The following CDH8 variants were observed in gnomAD, a reference collection of about 807,000 sequenced individuals.
CDH8 encodes cadherin-8.
Under a neutral mutation model 68.1 loss-of-function variants are expected in CDH8, and 17 were observed. That is an observed-to-expected ratio of 0.25 (90% CI 0.17 to 0.37). CDH8 has a LOEUF of 0.37. CDH8 is among the 10% of genes least tolerant of loss of function. CDH8 has a pLI of 1.00. For synonymous variants in CDH8, 372 were observed against 365.1 expected, an observed-to-expected ratio of 1.02 and a Z score of -0.21; for missense variants, 763 against 999.3, an observed-to-expected ratio of 0.76 and a Z score of 3.19.
At position 61,652,948 on chromosome 16, in the gene CDH8, T is replaced by C. The variant is rs761377043; in HGVS notation, c.*660A>G. The C allele has an allele frequency of 9.8e-6, 15 of 1,525,700 alleles. No individual in the cohort carries two copies. The highest frequency in any genetic ancestry group is 3.7e-5 in the South Asian group (3 of 81,470). The allele number at this position is 1,525,700 out of a possible 1,614,324, so 94.5% of individuals were successfully genotyped here. On this transcript the variant is annotated 3_prime_UTR_variant, in exon 12 of 12. Transcript: ENST00000577390. ...GGATTTCTCTCCTCCCACCACTGAA[T>C]TGGCAAGCCCCACCCTGGAATGGAT...
intron 10 of CDH8, among the ~76,000 whole-genome samples, chr16:61,675,037 A>T (rs1295661695): frequency 1.3e-5 from 2 of 152,054 alleles, no homozygotes; most frequent in Non-Finnish European, 2.9e-5. Flanking sequence ...GAGGCAGAAG[A>T]TAAATAAAGA....
At chr16:61,984,124 G>A (rs1419140359) in intron 2 of CDH8, among the ~76,000 whole-genome samples, 1 of 151,798 alleles carries the variant, frequency 6.6e-6, no homozygotes, top group Non-Finnish European at 1.5e-5. Flanking sequence ...TCATCATATT[G>A]GCCGGGCTTG....
chr16:61,758,402 T>G (rs1461654679), intron 8 of CDH8, among the ~76,000 whole-genome samples: 3 of 152,102 alleles, frequency 2.0e-5, no homozygotes, highest in Non-Finnish European at 4.4e-5. Flanking sequence ...TTAGGACTGT[T>G]TGAGGTCTTT....
At chr16:61,938,266 T>A (rs1215851669) in intron 2 of CDH8, among the ~76,000 whole-genome samples, 1 of 152,126 alleles carries the variant, frequency 6.6e-6, no homozygotes, top group Non-Finnish European at 1.5e-5. Context: ...CCAAATGGCA[T>A]TTCTTTTAAA....
At chr16:61,792,219 G>T (rs1031032145) in intron 7 of CDH8, among the ~76,000 whole-genome samples, 1 of 151,948 alleles carries the variant, frequency 6.6e-6, no homozygotes, top group African/African-American at 2.4e-5. Flanking sequence ...ACTTTATGGG[G>T]TGAGTCATAG....
chr16:61,904,869 C>A (rs1964037146), intron 2 of CDH8, among the ~76,000 whole-genome samples: 1 of 152,228 alleles, frequency 6.6e-6, no homozygotes, highest in Non-Finnish European at 1.5e-5. Context: ...ATAAAGGCAA[C>A]AACACTGCCC....
At chr16:61,670,813 G>A (rs897317073) in intron 10 of CDH8, among the ~76,000 whole-genome samples, 3 of 151,870 alleles carry the variant, frequency 2.0e-5, no homozygotes, top group Non-Finnish European at 2.9e-5. Flanking sequence ...GGTGACTAAA[G>A]GTGTGGACAA....
chr16:61,723,229 G>T (rs1216724223), intron 9 of CDH8, among the ~76,000 whole-genome samples: 1 of 150,712 alleles, frequency 6.6e-6, no homozygotes, highest in African/African-American at 2.4e-5. Context: ...AGTTATGGAA[G>T]GTCCTCTGGC....
chr16:61,702,139 G>C (rs898617163), intron 10 of CDH8, among the ~76,000 whole-genome samples: 1 of 152,156 alleles, frequency 6.6e-6, no homozygotes, highest in Non-Finnish European at 1.5e-5. Context: ...TTGAGAGGCC[G>C]AGGCAGGCGG....
chr16:62,023,037 A>G (rs1902111424), intron 1 of CDH8, among the ~76,000 whole-genome samples: 1 of 152,186 alleles, frequency 6.6e-6, no homozygotes, highest in Non-Finnish European at 1.5e-5. Context: ...AGTCCAGAAC[A>G]AAGTCTCCTC....
chr16:61,877,484 T>C (rs1463247929), intron 3 of CDH8, among the ~76,000 whole-genome samples: 1 of 152,158 alleles, frequency 6.6e-6, no homozygotes, highest in Non-Finnish European at 1.5e-5. Flanking sequence ...TATTTCATTA[T>C]GTGTGTATAT....
chr16:61,938,638 G>A (rs1964663778), intron 2 of CDH8, among the ~76,000 whole-genome samples: 1 of 152,156 alleles, frequency 6.6e-6, no homozygotes, highest in Non-Finnish European at 1.5e-5. Context: ...GCATCTGCCT[G>A]GTAACCTCTG....
At chr16:61,969,351 T>C (rs896126366) in intron 2 of CDH8, among the ~76,000 whole-genome samples, 10 of 152,146 alleles carry the variant, frequency 6.6e-5, no homozygotes, top group African/African-American at 1.7e-4. Flanking sequence ...TCAGTGTAGA[T>C]TGAATCTTCC....
intron 10 of CDH8, among the ~76,000 whole-genome samples, chr16:61,677,417 C>CT (rs1282729117): frequency 2.0e-5 from 3 of 151,858 alleles, no homozygotes; most frequent in Admixed American, 2.0e-4. Flanking sequence ...GCTCCATTTA[C>CT]TTTACACCAT....
intron 10 of CDH8, among the ~76,000 whole-genome samples, chr16:61,701,341 T>C (rs1256146458): frequency 1.3e-5 from 2 of 152,212 alleles, no homozygotes; most frequent in Admixed American, 1.3e-4. Context: ...TCATATCATA[T>C]TATTAAAAAG....
Position 61,792,394 on chromosome 16 carries a change from C to A in CDH8, c.1278-2912G>T, listed in dbSNP as rs1450463038. Among the ~76,000 whole-genome samples the A allele has an allele frequency of 2.0e-5, 3 of 151,964 alleles. No homozygotes were observed. The East Asian group carries it at 5.8e-4, about 29-fold the overall frequency. On this transcript the variant is annotated intron_variant, in intron 7 of 11. Transcript: ENST00000577390. ...CAACTATTTTGGAAAACTCCTGCTGCTTCTGTAGAAATTTCACACATTTTA... is the reference window on the plus strand; with the variant it reads ...CAACTATTTTGGAAAACTCCTGCTGATTCTGTAGAAATTTCACACATTTTA...
At position 61,713,870 on chromosome 16, in the gene CDH8, T is replaced by C; in HGVS notation, c.1625A>G (p.Asn542Ser). The change falls in exon 10 of 12, where the codon AAT (asparagine) becomes AGT (serine). Residue 542 changes from asparagine to serine, a missense_variant. Physicochemically the swap from Asn to Ser is conservative, Grantham distance 46. This residue lies in a region of CDH8 where 397 missense variants were observed against 436.2 expected (regional missense o/e 0.91). Transcript: ENST00000577390. ...LYSLLPEMVN[N>S]PNFTIKKNED... ...ATTTTTCTTGATGGTGAAATTCGGA[T>C]TGTTGACCATTTCTGGAAGGAGACT... 1 of 1,595,756 alleles carries C rather than the reference T, an allele frequency of 6.3e-7. No individual in the cohort carries two copies. Among genetic ancestry groups the C allele is most frequent in the South Asian group, 1.1e-5 (1 of 90,636 alleles).
intron 7 of CDH8, among the ~76,000 whole-genome samples, chr16:61,809,873 T>G (rs752036334): frequency 6.6e-6 from 1 of 152,180 alleles, no homozygotes; most frequent in Non-Finnish European, 1.5e-5. Flanking sequence ...TGAAGTCCTA[T>G]AGCAAAGACC....
intron 1 of CDH8, among the ~76,000 whole-genome samples, chr16:62,030,053 A>G (rs1382961610): frequency 6.6e-6 from 1 of 152,154 alleles, no homozygotes; most frequent in African/African-American, 2.4e-5. Flanking sequence ...CTGTGTAGTA[A>G]CCATGCTTAC....
Sources: allele counts gnomAD v4.1 joint callset (sites outside exome capture counted in the v4.1 genomes callset), GRCh38; gene constraint gnomAD v4.1.1; regional missense constraint gnomAD v4.1.1; transcripts MANE v1.5; gene names NCBI Gene and HGNC (gene_info 2026-07-23, HGNC 2026-07-21).